The following TMEM94 variants were observed in gnomAD, a reference collection of about 807,000 sequenced individuals.
TMEM94 encodes transmembrane protein 94.
Under a neutral mutation model 158.6 loss-of-function variants are expected in TMEM94, and 81 were observed. The observed-to-expected ratio is 0.51, with a 90% CI of 0.43 to 0.61. TMEM94 has a LOEUF of 0.61. Among genes scored for constraint, TMEM94 ranks in the 20% least tolerant of loss-of-function variants. TMEM94 has a pLI of 0.00. For missense variants in TMEM94, 1,435 were observed against 1,762.0 expected, an observed-to-expected ratio of 0.81 and a Z score of 3.32; for synonymous variants, 751 against 730.7, an observed-to-expected ratio of 1.03 and a Z score of -0.45.
chr17:75,486,370 G>T lies in TMEM94; in HGVS notation c.353G>T (p.Arg118Leu), dbSNP rs2051609379. Residue 118 changes from arginine to leucine, a missense_variant, in exon 5 of 32, where the codon CGG becomes CTG. Arg to Leu is a moderately radical substitution (Grantham distance 102, BLOSUM62 -2). Coordinates refer to ENST00000314256, the MANE Select transcript of TMEM94 (RefSeq NM_014738.6). Reference protein sequence around the residue: ...LNLVLIGRQDRLKRREVERRL... With the variant: ...LNLVLIGRQDLLKRREVERRL... ...CTTGTGCTCATCGGGCGGCAAGACC[G>T]GCTGAAGCGTCGGGAGGTAGAGCGG... 5.0e-6 allele frequency: 8 copies of T among 1,614,202 alleles called. No individual in the cohort carries two copies. Among genetic ancestry groups the T allele is most frequent in the Non-Finnish European group, 6.8e-6 (8 of 1,180,030 alleles).
At chr17:75,469,145 A>C (rs1463622411) in intron 1 of TMEM94, among the ~76,000 whole-genome samples, 1 of 152,090 alleles carries the variant, frequency 6.6e-6, no homozygotes, top group African/African-American at 2.4e-5. Context: ...CCTGTTGAGC[A>C]CTGCACTCAA....
Position 75,495,274 on chromosome 17 carries a change from G to T in TMEM94, c.2729-10G>T. ...GTCCCAAGGTGAGGGAGAGGCTTTT[G>T]TCCCCACAGTGTCCCGAGATGATGC... is the stretch of plus-strand genomic sequence containing the variant. On this transcript the variant is annotated splice_polypyrimidine_tract_variant and intron_variant, in intron 20 of 31. Transcript: ENST00000314256. The surrounding 1 kb of genome is among the most constrained non-coding windows in gnomAD (Gnocchi z 5.6). The T allele has an allele frequency of 6.3e-7, 1 of 1,588,632 alleles. No homozygotes were observed.
At chr17:75,496,587 G>A in intron 24 of TMEM94, 116 bp downstream of exon 24, 7 of 1,391,960 alleles carry the variant, frequency 5.0e-6, no homozygotes, top group Non-Finnish European at 7.0e-6. Flanking sequence ...CCTCCGAGCG[G>A]GCTCTCCCAG....
intron 1 of TMEM94, among the ~76,000 whole-genome samples, chr17:75,469,227 C>T (rs537139466): frequency 6.6e-6 from 1 of 152,284 alleles, no homozygotes; most frequent in East Asian, 1.9e-4. Flanking sequence ...GGAAAGAAGT[C>T]AGTGCCTCGT....
Position 75,491,948 on chromosome 17 carries a change from T to C in TMEM94, c.1596+48T>C, listed in dbSNP as rs577599328. 1.6e-4 allele frequency: 253 copies of C among 1,549,824 alleles called. No individual in the cohort carries two copies. The East Asian group carries it at 5.2e-3, about 32-fold the overall frequency. ...GGCAGCCACACCCTCGGCCACAGGC[T>C]GTCCTGGCCTCCCTGGCCAGCCTGG... On this transcript the variant is annotated intron_variant, in intron 14 of 31. Transcript: ENST00000314256. The surrounding 1 kb of genome is among the most constrained non-coding windows in gnomAD (Gnocchi z 5.1).
In TMEM94 at chr17:75,485,525, G is replaced by A. The variant is rs894028340; in HGVS notation, c.122G>A (p.Arg41Gln). 6.2e-6 allele frequency: 10 copies of A among 1,614,192 alleles called. No homozygotes were observed. Among genetic ancestry groups the A allele is most frequent in the Admixed American group, 5.0e-5 (3 of 60,024 alleles). Residue 41 changes from arginine (R) to glutamine (Q), a missense_variant, in exon 3 of 32, where the codon CGG becomes CAG. Physicochemically the swap from Arg to Gln is conservative, Grantham distance 43 (BLOSUM62 1). Around this residue, in one of 3 missense-constraint regions of TMEM94, gnomAD observed 1,051 missense variants for 1,254.4 expected, o/e 0.84. Transcript: ENST00000314256. This position sits in a 1 kb window ranked among gnomAD's most constrained non-coding sequence, Gnocchi z 5.5. ...GTGCTGGAAGGACATCTCAGGGAGC[G>A]GAAGAAGTGTCTGACGTGGAAGGTG... ...EAVLEGHLRE[R>Q]KKCLTWKEVW...
At position 75,493,034 on chromosome 17, in the gene TMEM94, C is replaced by T; in HGVS notation, c.2018C>T (p.Ser673Phe). 6.2e-7 allele frequency: 1 copy of T among 1,613,694 alleles called. No individual in the cohort carries two copies. The highest frequency in any genetic ancestry group is 8.5e-7 in the Non-Finnish European group (1 of 1,180,028). ...TMKETSLGRLSCVTKRRPPLS... is the reference protein window; with the variant it reads ...TMKETSLGRLFCVTKRRPPLS... ...AAGGAGACATCGCTGGGGCGGCTCT[C>T]CTGTGTCACCAAGCGGCGGCCTCCC... The change falls in exon 16 of 32, where the codon TCC (serine) becomes TTC (phenylalanine). Residue 673 changes from serine to phenylalanine, a missense_variant. By Grantham distance (155) the Ser-to-Phe change is radical. Coordinates refer to ENST00000314256, the MANE Select transcript of TMEM94 (RefSeq NM_014738.6).
chr17:75,490,525 C>G (rs1433802101), intron 10 of TMEM94, among the ~76,000 whole-genome samples, 175 bp downstream of exon 10: 1 of 152,248 alleles, frequency 6.6e-6, no homozygotes, highest in East Asian at 1.9e-4. Context: ...AGGCCAGGCC[C>G]TGGGTGTGAG....
At chr17:75,476,608 T>C in intron 2 of TMEM94, 2 of 1,522,426 alleles carry the variant, frequency 1.3e-6, no homozygotes, top group South Asian at 2.4e-5. Flanking sequence ...CTCTTCTCTC[T>C]CTCTCTCTTT....
intron 2 of TMEM94, among the ~76,000 whole-genome samples, chr17:75,483,502 C>T (rs1417253241): frequency 1.3e-5 from 2 of 151,182 alleles, no homozygotes; most frequent in African/African-American, 2.4e-5. Context: ...GCTCTGTCAC[C>T]CAGGCTGGAG....
chr17:75,463,031 AAAAAAAATATATATAT>A (rs1464110065), intron 1 of TMEM94, among the ~76,000 whole-genome samples: 11 of 8,040 alleles, frequency 1.4e-3, no homozygotes, highest in Non-Finnish European at 2.0e-3. Context: ...AAAAAAAAAA[AAAAAAAATATATATAT>A]ATATATATAT....
At chr17:75,490,854 C>G (rs1650028931) in intron 11 of TMEM94, 96 bp downstream of exon 11, 3 of 1,195,322 alleles carry the variant, frequency 2.5e-6, no homozygotes, top group Non-Finnish European at 1.2e-6. Context: ...CAACCAGGCT[C>G]TTAGAGCCCC....
chr17:75,496,646 G>C (rs1311239795), intron 24 of TMEM94, 84 bp from the exon 25 acceptor site: 4 of 1,469,350 alleles, frequency 2.7e-6, no homozygotes, highest in Non-Finnish European at 3.8e-6. Context: ...CTGGGCGTCT[G>C]GCTCTTGGCT....
chr17:75,465,757 T>G (rs2050290843), intron 1 of TMEM94, among the ~76,000 whole-genome samples: 1 of 151,042 alleles, frequency 6.6e-6, no homozygotes, highest in Admixed American at 6.6e-5. Context: ...CAGGCTAGAC[T>G]CAAACTCTTG....
rs771560147 is a variant in TMEM94 at position 75,489,632 on chromosome 17, T to C, written c.924T>C (p.Thr308=). 11 of 1,614,024 alleles carry C rather than the reference T, an allele frequency of 6.8e-6. No individual in the cohort carries two copies. The highest frequency in any genetic ancestry group is 1.6e-4 in the Middle Eastern group (1 of 6,062). ...TCATCTTCAGTGCCCCGGGGGTCAC[T>C]TCCTGGCAGTACACCCTCCTCCAGC... ...LRFIFSAPGV[T]SWQYTLLQLQ... Residue 308 remains threonine, a synonymous_variant, in exon 9 of 32, where the codon ACT becomes ACC. Coordinates refer to ENST00000314256, the MANE Select transcript of TMEM94 (RefSeq NM_014738.6). The surrounding 1 kb of genome is among the most constrained non-coding windows in gnomAD (Gnocchi z 5.0).
Position 75,500,282 on chromosome 17 carries a change from T to A in TMEM94, c.*948T>A, listed in dbSNP as rs2053149376. 1 of 152,176 alleles carries A rather than the reference T, an allele frequency of 6.6e-6. No homozygotes were observed. The highest frequency in any genetic ancestry group is 1.5e-5 in the Non-Finnish European group (1 of 68,074). The allele number at this position is 152,176 out of a possible 1,614,324, so 9.4% of individuals were successfully genotyped here. A position where few individuals can be genotyped will look rare whatever the true frequency, so the allele number is the denominator to read the frequency against. On this transcript the variant is annotated 3_prime_UTR_variant, in exon 32 of 32. Coordinates refer to ENST00000314256, the MANE Select transcript of TMEM94 (RefSeq NM_014738.6). ...CCAGTCACGTGGAATGGTGTTTTCA[T>A]TGGTGTTAGTTGGGGGAAGAGGTTA...
Position 75,491,291 on chromosome 17 carries a change from CT to C in TMEM94, c.1234-9del. On this transcript the variant is annotated splice_polypyrimidine_tract_variant and intron_variant, in intron 12 of 31. Transcript: ENST00000314256. This position sits in a 1 kb window ranked among gnomAD's most constrained non-coding sequence, Gnocchi z 5.1. Reference sequence around the variant, plus strand: ...CCAGGCCCCTTTCCTATCTCAAATGCTTTCCATGCAGGTCCTGTGCTGTGTG... The same window carrying C: ...CCAGGCCCCTTTCCTATCTCAAATGCTTCCATGCAGGTCCTGTGCTGTGTG... 6.2e-7 allele frequency: 1 copy of C among 1,613,706 alleles called. No homozygotes were observed. Among genetic ancestry groups the C allele is most frequent in the Non-Finnish European group, 8.5e-7 (1 of 1,179,680 alleles).
At chr17:75,471,091 G>C (rs192528087) in intron 1 of TMEM94, among the ~76,000 whole-genome samples, 140 of 151,662 alleles carry the variant, frequency 9.2e-4, no homozygotes, top group African/African-American at 3.3e-3. Context: ...ACAAAAATTA[G>C]CCGGGCGTGG....
rs746078208 is a variant in TMEM94, at chr17:75,491,030, A to T, written c.1129-19A>T. 4 of 1,584,374 alleles carry T rather than the reference A, an allele frequency of 2.5e-6. No individual in the cohort carries two copies. Among genetic ancestry groups the T allele is most frequent in the Non-Finnish European group, 3.4e-6 (4 of 1,160,704 alleles). On this transcript the variant is annotated intron_variant, in intron 11 of 31. Transcript: ENST00000314256. The surrounding 1 kb of genome is among the most constrained non-coding windows in gnomAD (Gnocchi z 5.1). ...GGCTGAGCCCTAAATGGCCTTGCAG[A>T]CTTCCTCTCTCCCACCAGGAAATGC... is the stretch of plus-strand genomic sequence containing the variant.
Sources: allele counts gnomAD v4.1 joint callset (sites outside exome capture counted in the v4.1 genomes callset), GRCh38; gene constraint gnomAD v4.1.1; regional missense constraint gnomAD v4.1.1; non-coding constraint Gnocchi (gnomAD v3.1); transcripts MANE v1.5; gene names NCBI Gene and HGNC (gene_info 2026-07-23, HGNC 2026-07-21).